PRKAG2: variants seen among roughly 807,000 people sequenced by gnomAD.
PRKAG2 encodes protein kinase AMP-activated non-catalytic subunit gamma 2.
PRKAG2 carries 26 observed loss-of-function variants against 69.6 expected under a neutral mutation model. The ratio of observed to expected loss-of-function variants is 0.37; its 90% CI spans 0.27 to 0.52. The LOEUF is 0.52. PRKAG2 is among the 20% of genes least tolerant of loss of function. The pLI is 0.90. For missense variants in PRKAG2, 557 were observed against 740.0 expected (o/e 0.75, Z 2.87); for synonymous variants, 293 against 285.0 (o/e 1.03, Z -0.28).
intron 4 of PRKAG2, among the ~76,000 whole-genome samples, chr7:151,646,391 A>C (rs1827570011): frequency 6.6e-6 from 1 of 152,180 alleles, no homozygotes; most frequent in Admixed American, 6.5e-5. Flanking sequence ...GAGGTCTTAC[A>C]TATCTTTTGT....
Position 151,567,262 on chromosome 7 carries a change from AGGGATCCTG to A in PRKAG2, c.1234-1386_1234-1378del, listed in dbSNP as rs991817074. On this transcript the variant is annotated intron_variant, in intron 11 of 15. Transcript: ENST00000287878. The surrounding 1 kb of genome is among the most constrained non-coding windows in gnomAD (Gnocchi z 4.2). ...GCATGGGGAGTGAGGAACGCTTGAA[AGGGATCCTG>A]GCTCTACCGCTTCCCAGCCACGCAA... 2.0e-5 allele frequency among the ~76,000 whole-genome samples: 3 copies of A among 152,292 alleles called. No homozygotes were observed. The highest frequency in any genetic ancestry group is 7.2e-5 in the African/African-American group (3 of 41,564).
rs35161942 is a variant in PRKAG2, at chr7:151,813,492, G to GAA, written c.115-26953_115-26952dup. On this transcript the variant is annotated intron_variant, in intron 1 of 15. Transcript: ENST00000287878. ...CTGGCTTACGGAAGGCGATTGTAAG[G>GAA]AAAAAAAAAAAAAAGGACATGGCTT... Among the ~76,000 whole-genome samples, 126 of 137,968 alleles carry GAA rather than the reference G, an allele frequency of 9.1e-4. 3 individuals are homozygous for GAA. The highest frequency in any genetic ancestry group is 1.1e-3 in the Non-Finnish European group (74 of 64,478). 90.5% of individuals were successfully genotyped at this position (137,968 alleles called of 152,430 possible).
rs549854448 is a variant in PRKAG2, at chr7:151,780,693, A to G, written c.466+459T>C. Among the ~76,000 whole-genome samples, 14 of 152,314 alleles carry G rather than the reference A, an allele frequency of 9.2e-5. No individual in the cohort carries two copies. The East Asian group carries it at 2.7e-3, about 29-fold the overall frequency. ...CAAACAGAAAAAGTTAGGATTTGCC[A>G]GAAACAGGTGTAGTCAAACCCTCAA... On this transcript the variant is annotated intron_variant, in intron 3 of 15. Transcript: ENST00000287878. This position sits in a 1 kb window ranked among gnomAD's most constrained non-coding sequence, Gnocchi z 4.2.
chr7:151,840,823 T>C (rs2079259076), intron 1 of PRKAG2, among the ~76,000 whole-genome samples: 1 of 152,196 alleles, frequency 6.6e-6, no homozygotes, highest in Non-Finnish European at 1.5e-5. Flanking sequence ...ATTCATCAAC[T>C]GTGGATGTTG....
At chr7:151,676,959 C>T (rs1341994100) in intron 3 of PRKAG2, among the ~76,000 whole-genome samples, 3 of 152,220 alleles carry the variant, frequency 2.0e-5, no homozygotes, top group Non-Finnish European at 4.4e-5. Context: ...AACCCAGAAG[C>T]CAGGGCGAGG....
chr7:151,711,083 C>T (rs925222568), intron 3 of PRKAG2, among the ~76,000 whole-genome samples: 1 of 152,050 alleles, frequency 6.6e-6, no homozygotes, highest in Non-Finnish European at 1.5e-5. Flanking sequence ...ACTAACAGTG[C>T]TAGGCCTAGA....
chr7:151,632,282 G>A lies in PRKAG2; in HGVS notation c.685-144C>T, dbSNP rs1824776965. ...CTGGCAGGGGACGCGGGCAGCGGGG[G>A]CCGGGGGCGGAGCGGGAGCGCTGCC... On this transcript the variant is annotated intron_variant, in intron 4 of 15. Transcript: ENST00000287878. This position sits in a 1 kb window ranked among gnomAD's most constrained non-coding sequence, Gnocchi z 4.2. The A allele has an allele frequency of 1.7e-5, 17 of 989,816 alleles. No homozygotes were observed. Among genetic ancestry groups the A allele is most frequent in the East Asian group, 9.5e-5 (1 of 10,564 alleles). 61.3% of individuals were successfully genotyped at this position (989,816 alleles called of 1,614,324 possible).
intron 1 of PRKAG2, among the ~76,000 whole-genome samples, chr7:151,832,041 T>C (rs111431411): frequency 1.3e-5 from 2 of 152,122 alleles, no homozygotes; most frequent in South Asian, 2.1e-4. Context: ...ATCTCCAAGA[T>C]GGAGGAATCT....
In PRKAG2 at chr7:151,597,822, C is replaced by A. The variant is rs956405790; in HGVS notation, c.755-2368G>T. On this transcript the variant is annotated intron_variant, in intron 5 of 15. Coordinates refer to ENST00000287878, the MANE Select transcript of PRKAG2 (RefSeq NM_016203.4). ...GCTGAGGATGTGGACAAAAGGGAGC[C>A]CCCCCCCCCGCTCTTTTATTGAACT... Among the ~76,000 whole-genome samples the A allele has an allele frequency of 9.2e-5, 13 of 141,902 alleles. No homozygotes were observed. In the South Asian group the frequency reaches 1.4e-3, roughly 16 times the overall value. The allele number at this position is 141,902 out of a possible 152,430, so 93.1% of individuals were successfully genotyped here.
intron 3 of PRKAG2, among the ~76,000 whole-genome samples, chr7:151,729,151 TGA>T (rs1563539841): frequency 4.3e-5 from 4 of 92,898 alleles, no homozygotes; most frequent in African/African-American, 1.8e-4. Flanking sequence ...CAGGCATGGA[TGA>T]GAGTGGGGCG....
At chr7:151,833,801 A>G (rs1055302735) in intron 1 of PRKAG2, among the ~76,000 whole-genome samples, 1 of 152,340 alleles carries the variant, frequency 6.6e-6, no homozygotes. Flanking sequence ...TAATGAGGAA[A>G]GGTTCACAGC....
chr7:151,734,599 G>A (rs544508024), intron 3 of PRKAG2, among the ~76,000 whole-genome samples: 356 of 152,264 alleles, frequency 2.3e-3, no homozygotes, highest in Non-Finnish European at 3.4e-3. Flanking sequence ...ACCCAGGCTG[G>A]AGTGTAGTGG....
In PRKAG2 at chr7:151,598,574, G is replaced by A. The variant is rs372148428; in HGVS notation, c.755-3120C>T. Among the ~76,000 whole-genome samples, 5 of 151,736 alleles carry A rather than the reference G, an allele frequency of 3.3e-5. No homozygotes were observed. In the East Asian group the frequency reaches 7.8e-4, roughly 24 times the overall value. On this transcript the variant is annotated intron_variant, in intron 5 of 15. Coordinates refer to ENST00000287878, the MANE Select transcript of PRKAG2 (RefSeq NM_016203.4). Reference sequence around the variant, plus strand: ...GTATCCCATAAATATGTACAATTATGTGTCAACCAAAAATAAAACTTAAAA... The same window carrying A: ...GTATCCCATAAATATGTACAATTATATGTCAACCAAAAATAAAACTTAAAA...
chr7:151,559,544 A>G, intron 15 of PRKAG2: 8 of 983,866 alleles, frequency 8.1e-6, no homozygotes, highest in Non-Finnish European at 9.7e-6. Flanking sequence ...CACCTCGGAA[A>G]AATCACTGCT....
chr7:151,660,298 C>T (rs1269454668), intron 4 of PRKAG2, among the ~76,000 whole-genome samples: 3 of 152,214 alleles, frequency 2.0e-5, no homozygotes, highest in Non-Finnish European at 4.4e-5. Flanking sequence ...CTCCCAGCTT[C>T]TCAAACCCGT....
chr7:151,789,457 T>A (rs2077167909), intron 1 of PRKAG2, among the ~76,000 whole-genome samples: 1 of 152,212 alleles, frequency 6.6e-6, no homozygotes, highest in African/African-American at 2.4e-5. Context: ...TTGGGCCACC[T>A]AATTATTGTC....
rs185391250 is a variant in PRKAG2, at chr7:151,699,039, G to A, written c.467-23402C>T. On this transcript the variant is annotated intron_variant, in intron 3 of 15. Transcript: ENST00000287878. This position sits in a 1 kb window ranked among gnomAD's most constrained non-coding sequence, Gnocchi z 4.5. ...ATAGGCTCAAACGGGCCGTGGGAGG[G>A]TTTCAGGACAGGGTACAGGAAATGA... Among the ~76,000 whole-genome samples, 8 of 152,306 alleles carry A rather than the reference G, an allele frequency of 5.3e-5. No homozygotes were observed. Among genetic ancestry groups the A allele is most frequent in the Admixed American group, 3.3e-4 (5 of 15,306 alleles).
At chr7:151,731,197 G>T (rs868502343) in intron 3 of PRKAG2, among the ~76,000 whole-genome samples, 21 of 152,132 alleles carry the variant, frequency 1.4e-4, no homozygotes, top group South Asian at 2.1e-4. Flanking sequence ...ACATAATCTG[G>T]ATTTCTCTTT....
At chr7:151,752,813 G>A (rs888633243) in intron 3 of PRKAG2, among the ~76,000 whole-genome samples, 1 of 152,250 alleles carries the variant, frequency 6.6e-6, no homozygotes, top group Non-Finnish European at 1.5e-5. Context: ...AGTTTGATGA[G>A]AAAGAAGACA....
Sources: allele counts gnomAD v4.1 joint callset (sites outside exome capture counted in the v4.1 genomes callset), GRCh38; gene constraint gnomAD v4.1.1; non-coding constraint Gnocchi (gnomAD v3.1); transcripts MANE v1.5; gene names NCBI Gene and HGNC (gene_info 2026-07-23, HGNC 2026-07-21).